Variants in SLC25A21 observed in about 807,000 individuals in gnomAD.
SLC25A21 encodes the protein mitochondrial 2-oxodicarboxylate carrier.
A neutral mutation model predicts 43.8 loss-of-function variants in SLC25A21; 47 were observed. That is an observed-to-expected ratio of 1.07 (90% CI 0.85 to 1.37). The LOEUF is 1.37. Among genes scored for constraint, SLC25A21 ranks in the 40% most tolerant of loss-of-function variants. SLC25A21 has a pLI of 0.00. For synonymous variants in SLC25A21, 131 were observed against 121.3 expected (o/e 1.08, Z -0.52); for missense variants, 352 against 350.2 (o/e 1.00, Z -0.04).
chr14:36,776,122 T>C (rs531798101), intron 3 of SLC25A21, among the ~76,000 whole-genome samples: 1 of 152,060 alleles, frequency 6.6e-6, no homozygotes, highest in Non-Finnish European at 1.5e-5. Context: ...GGGGAATTCC[T>C]CTTTTTGTAC....
At chr14:37,022,814 G>C (rs1207440382) in intron 1 of SLC25A21, among the ~76,000 whole-genome samples, 1 of 152,064 alleles carries the variant, frequency 6.6e-6, no homozygotes, top group African/African-American at 2.4e-5. Flanking sequence ...AAAGGAGTGA[G>C]AGAATGAATG....
intron 1 of SLC25A21, among the ~76,000 whole-genome samples, chr14:37,160,758 T>C (rs1594825057): frequency 1.3e-5 from 2 of 151,908 alleles, no homozygotes; most frequent in East Asian, 1.9e-4. Context: ...GGTGAAACCC[T>C]GTCTCTACTA....
At chr14:36,905,054 G>A (rs142998154) in intron 1 of SLC25A21, among the ~76,000 whole-genome samples, 194 of 152,108 alleles carry the variant, frequency 1.3e-3, no homozygotes, top group African/African-American at 3.9e-3. Context: ...AAAATTATTG[G>A]TTCTAAGGTA....
chr14:36,711,743 A>G (rs913857906), intron 6 of SLC25A21, among the ~76,000 whole-genome samples: 6 of 152,246 alleles, frequency 3.9e-5, no homozygotes, highest in African/African-American at 1.4e-4. Context: ...CTGATGTTGT[A>G]TAATAACTAT....
At chr14:37,012,981 C>A (rs1960765676) in intron 1 of SLC25A21, among the ~76,000 whole-genome samples, 1 of 152,220 alleles carries the variant, frequency 6.6e-6, no homozygotes, top group African/African-American at 2.4e-5. Flanking sequence ...TGGTATCAGA[C>A]TTCTTTGGGG....
At chr14:36,980,864 T>C (rs1960003518) in intron 1 of SLC25A21, among the ~76,000 whole-genome samples, 1 of 152,186 alleles carries the variant, frequency 6.6e-6, no homozygotes, top group Non-Finnish European at 1.5e-5. Context: ...CTAAAGAGCT[T>C]CTGCACAGCA....
intron 1 of SLC25A21, among the ~76,000 whole-genome samples, chr14:36,995,721 T>C (rs1255751278): frequency 1.3e-5 from 2 of 152,214 alleles, no homozygotes; most frequent in Non-Finnish European, 1.5e-5. Flanking sequence ...AAAAACACTG[T>C]TGGGCCTCAA....
chr14:37,000,688 G>C (rs1471072493), intron 1 of SLC25A21, among the ~76,000 whole-genome samples: 1 of 152,152 alleles, frequency 6.6e-6, no homozygotes, highest in African/African-American at 2.4e-5. Context: ...GTCAGGGGAG[G>C]GACCTGGTGC....
intron 1 of SLC25A21, among the ~76,000 whole-genome samples, chr14:37,107,855 T>C (rs10148606): frequency 0.82 from 123,957 of 152,078 alleles, 53,307 homozygotes; most frequent in South Asian, 0.98. Flanking sequence ...AGTGGAAGCA[T>C]GTGAAAATCA....
At chr14:37,098,086 AG>A (rs1207263292) in intron 1 of SLC25A21, 15 of 152,162 alleles carry the variant, frequency 9.9e-5, no homozygotes, top group Admixed American at 7.9e-4. Context: ...ATGCAATTTC[AG>A]GAAGTGTATA....
At chr14:36,898,956 CTA>C (rs1891327009) in intron 1 of SLC25A21, among the ~76,000 whole-genome samples, 1 of 152,122 alleles carries the variant, frequency 6.6e-6, no homozygotes, top group African/African-American at 2.4e-5. Context: ...AAAACGGTAA[CTA>C]TGTGGAGTAA....
chr14:37,040,478 C>T (rs192039724), intron 1 of SLC25A21, among the ~76,000 whole-genome samples: 27 of 151,014 alleles, frequency 1.8e-4, no homozygotes, highest in African/African-American at 6.6e-4. Flanking sequence ...CAAAGAGCTA[C>T]CAGCAGTTCT....
At chr14:37,032,346 T>C (rs932202050) in intron 1 of SLC25A21, among the ~76,000 whole-genome samples, 2 of 151,936 alleles carry the variant, frequency 1.3e-5, no homozygotes, top group Non-Finnish European at 2.9e-5. Context: ...CCATCCTGGC[T>C]AACACGGTGA....
At chr14:37,136,779 T>C (rs1024429705) in intron 1 of SLC25A21, among the ~76,000 whole-genome samples, 2 of 152,166 alleles carry the variant, frequency 1.3e-5, no homozygotes, top group African/African-American at 4.8e-5. Context: ...TAAATGTATA[T>C]TGCTTGGTGA....
intron 1 of SLC25A21, among the ~76,000 whole-genome samples, chr14:37,067,325 T>C (rs1962081032): frequency 6.6e-6 from 1 of 152,130 alleles, no homozygotes; most frequent in African/African-American, 2.4e-5. Flanking sequence ...AGATTATTCC[T>C]AAAGAGCATC....
At chr14:36,736,128 G>A (rs1050540225) in intron 3 of SLC25A21, among the ~76,000 whole-genome samples, 6 of 151,656 alleles carry the variant, frequency 4.0e-5, no homozygotes, top group African/African-American at 9.7e-5. Context: ...GTAGAGATGG[G>A]GTTTCACCGT....
At chr14:36,775,335 A>G (rs1886783732) in intron 3 of SLC25A21, among the ~76,000 whole-genome samples, 1 of 152,228 alleles carries the variant, frequency 6.6e-6, no homozygotes, top group Non-Finnish European at 1.5e-5. Flanking sequence ...GCTACACACA[A>G]TAAGAACTGT....
intron 5 of SLC25A21, among the ~76,000 whole-genome samples, 192 bp from the exon 6 acceptor site, chr14:36,725,869 G>A (rs867108078): frequency 6.6e-6 from 1 of 152,152 alleles, no homozygotes; most frequent in Middle Eastern, 3.4e-3. Context: ...AGAAATTACA[G>A]AAGCCACAAA....
chr14:37,105,608 A>C (rs1007620346), intron 1 of SLC25A21, among the ~76,000 whole-genome samples: 5 of 152,296 alleles, frequency 3.3e-5, no homozygotes, highest in African/African-American at 1.2e-4. Flanking sequence ...GGGATGAATC[A>C]TGGCTATCCA....
Sources: gnomAD v4.1 joint callset for allele counts (sites outside exome capture counted in the v4.1 genomes callset) on GRCh38, gnomAD v4.1.1 for gene constraint, MANE v1.5 for transcripts, NCBI Gene and HGNC (gene_info 2026-07-23, HGNC 2026-07-21) for gene names.